IL1RAP: variants seen among roughly 807,000 people sequenced by gnomAD.
The protein encoded by IL1RAP is interleukin 1 receptor accessory protein, also known as interleukin-1 receptor accessory protein.
Under a neutral mutation model 60.7 loss-of-function variants are expected in IL1RAP, and 35 were observed. The ratio of observed to expected loss-of-function variants is 0.58; its 90% CI spans 0.44 to 0.76. IL1RAP has a LOEUF of 0.76. IL1RAP is among the 30% of genes least tolerant of loss of function. The pLI is 0.00. For missense variants in IL1RAP, 572 were observed against 693.9 expected, an observed-to-expected ratio of 0.82 and a Z score of 1.97; for synonymous variants, 268 against 250.9, an observed-to-expected ratio of 1.07 and a Z score of -0.64.
rs569561019 is a variant in IL1RAP, at chr3:190,572,220, T to C, written c.64+7867T>C. Among the ~76,000 whole-genome samples, 4 of 152,346 alleles carry C rather than the reference T, an allele frequency of 2.6e-5. No individual in the cohort carries two copies. The South Asian group carries it at 8.3e-4, about 32-fold the overall frequency. On this transcript the variant is annotated intron_variant, in intron 3 of 11. Transcript: ENST00000447382. The stretch of plus-strand genomic sequence containing the variant: ...TGCTTAATGGACTGATGTTTGATTT[T>C]TAGAGTGAAAACATTAATTTTATTC...
chr3:190,638,555 G>T (rs1733406034), intron 9 of IL1RAP, among the ~76,000 whole-genome samples: 2 of 152,234 alleles, frequency 1.3e-5, no homozygotes, highest in African/African-American at 2.4e-5. Flanking sequence ...CCAGTCTGTT[G>T]CATGACAATT....
At chr3:190,592,994 A>G (rs773946301) in intron 3 of IL1RAP, among the ~76,000 whole-genome samples, 1 of 152,202 alleles carries the variant, frequency 6.6e-6, no homozygotes, top group Admixed American at 6.5e-5. Flanking sequence ...GGAGTAGTAC[A>G]CTATTCGGAA....
At chr3:190,540,764 C>G (rs549031111) in intron 1 of IL1RAP, among the ~76,000 whole-genome samples, 1 of 152,128 alleles carries the variant, frequency 6.6e-6, no homozygotes, top group Admixed American at 6.6e-5. Flanking sequence ...AGAAAGAAAA[C>G]AAATCTATTT....
intron 1 of IL1RAP, among the ~76,000 whole-genome samples, chr3:190,543,789 G>C (rs916828738): frequency 1.3e-5 from 2 of 152,184 alleles, no homozygotes; most frequent in South Asian, 4.1e-4. Context: ...AAGAGAGCTT[G>C]CTGCCAGATC....
chr3:190,640,239 C>T (rs557936703), intron 9 of IL1RAP, among the ~76,000 whole-genome samples: 1 of 152,170 alleles, frequency 6.6e-6, no homozygotes, highest in African/African-American at 2.4e-5. Context: ...CCAGAGTGAT[C>T]GTAGCATTTA....
At chr3:190,610,539 G>T (rs1261982363) in intron 5 of IL1RAP, among the ~76,000 whole-genome samples, 5 of 151,916 alleles carry the variant, frequency 3.3e-5, no homozygotes, top group Non-Finnish European at 7.4e-5. Flanking sequence ...AATACAATAA[G>T]AAAATTAGAA....
At chr3:190,519,767 T>C (rs540411289) in intron 1 of IL1RAP, among the ~76,000 whole-genome samples, 1 of 152,316 alleles carries the variant, frequency 6.6e-6, no homozygotes, top group Non-Finnish European at 1.5e-5. Context: ...ATTATTTTTT[T>C]TACTGTGGTC....
intron 1 of IL1RAP, among the ~76,000 whole-genome samples, chr3:190,545,078 G>T (rs148887448): frequency 6.6e-6 from 1 of 152,262 alleles, no homozygotes; most frequent in Admixed American, 6.5e-5. Flanking sequence ...CAGGATTTAC[G>T]TGAATATTTT....
intron 11 of IL1RAP, among the ~76,000 whole-genome samples, chr3:190,647,994 C>T (rs1278096579): frequency 6.6e-6 from 1 of 152,170 alleles, no homozygotes; most frequent in East Asian, 1.9e-4. Context: ...AGATGCCACA[C>T]ACTTTAAAGA....
intron 3 of IL1RAP, among the ~76,000 whole-genome samples, chr3:190,597,271 A>G (rs1729457528): frequency 6.6e-6 from 1 of 152,250 alleles, no homozygotes; most frequent in South Asian, 2.1e-4. Context: ...TTTTTTAAAA[A>G]GTGTCTGGTC....
At position 190,629,507 on chromosome 3, in the gene IL1RAP, T is replaced by C. The variant is rs1359639412; in HGVS notation, c.1051+9T>C. The stretch of plus-strand genomic sequence containing the variant: ...CAAGGTGAAGCAGAAAGGTAATAGA[T>C]GCGGTCAGTGATGAATCTCTCAGCT... On this transcript the variant is annotated intron_variant, in intron 9 of 11. Coordinates refer to ENST00000447382, the MANE Select transcript of IL1RAP (RefSeq NM_002182.4). 2 of 1,605,336 alleles carry C rather than the reference T, an allele frequency of 1.2e-6. No individual in the cohort carries two copies. The highest frequency in any genetic ancestry group is 2.2e-5 in the East Asian group (1 of 44,760).
rs1056152442 is a variant in IL1RAP, at chr3:190,522,465, C to G, written c.-89+8246C>G. On this transcript the variant is annotated intron_variant, in intron 1 of 11. Transcript: ENST00000447382. ...TATCTATCTATCTATCTATCTATCTCTATTTATTAATAAGGTTCAAGTAAG... is the reference window on the plus strand; with the variant it reads ...TATCTATCTATCTATCTATCTATCTGTATTTATTAATAAGGTTCAAGTAAG... Among the ~76,000 whole-genome samples, 5 of 143,690 alleles carry G rather than the reference C, an allele frequency of 3.5e-5. No individual in the cohort carries two copies. In the South Asian group the frequency reaches 8.7e-4, roughly 25 times the overall value. 94.3% of individuals were successfully genotyped at this position (143,690 alleles called of 152,430 possible). A position where few individuals can be genotyped will look rare whatever the true frequency, so the allele number is the denominator to read the frequency against.
intron 1 of IL1RAP, among the ~76,000 whole-genome samples, chr3:190,515,001 C>G (rs887444884): frequency 6.6e-6 from 1 of 152,198 alleles, no homozygotes; most frequent in Non-Finnish European, 1.5e-5. Context: ...TCGGCTGTTT[C>G]CTTTAAGAGC....
At chr3:190,538,966 T>C (rs1358849962) in intron 1 of IL1RAP, among the ~76,000 whole-genome samples, 3 of 152,166 alleles carry the variant, frequency 2.0e-5, no homozygotes, top group Non-Finnish European at 2.9e-5. Context: ...CCATGCTGAT[T>C]TGTGAGTCAA....
chr3:190,648,263 ATTT>A, intron 11 of IL1RAP, 72 bp from the exon 12 acceptor site: 1 of 1,516,008 alleles, frequency 6.6e-7, no homozygotes, highest in Non-Finnish European at 8.8e-7. Flanking sequence ...AGTTCCCTAC[ATTT>A]GCTCCTCAAG....
At chr3:190,517,303 C>T (rs1721611279) in intron 1 of IL1RAP, among the ~76,000 whole-genome samples, 1 of 152,194 alleles carries the variant, frequency 6.6e-6, no homozygotes. Context: ...TGGTTTCTTC[C>T]CTCTGCCATC....
chr3:190,555,639 G>A (rs1317619298), intron 1 of IL1RAP, among the ~76,000 whole-genome samples: 1 of 152,106 alleles, frequency 6.6e-6, no homozygotes, highest in Admixed American at 6.5e-5. Flanking sequence ...TTTGTAGAAT[G>A]TTCCCCTATG....
intron 3 of IL1RAP, among the ~76,000 whole-genome samples, chr3:190,584,082 C>G (rs996897714): frequency 4.6e-5 from 7 of 152,162 alleles, no homozygotes; most frequent in African/African-American, 1.7e-4. Context: ...AACCACTGAT[C>G]GTTTTCTGCT....
chr3:190,625,266 C>G (rs866849762), intron 7 of IL1RAP: 14 of 152,220 alleles, frequency 9.2e-5, no homozygotes, highest in African/African-American at 3.4e-4. Flanking sequence ...TGTATGGAGT[C>G]CTCTTTGGGG....
Sources: allele counts gnomAD v4.1 joint callset (sites outside exome capture counted in the v4.1 genomes callset), GRCh38; gene constraint gnomAD v4.1.1; transcripts MANE v1.5; gene names NCBI Gene and HGNC (gene_info 2026-07-23, HGNC 2026-07-21).